ZNF589: variants seen among roughly 807,000 people sequenced by gnomAD.
ZNF589 encodes zinc finger protein 589, also known as KRAB-zinc finger protein SZF1-1.
In ZNF589, 17 loss-of-function variants were observed where a neutral mutation model predicts 13.6. That is an observed-to-expected ratio of 1.25 (90% confidence interval 0.86 to 1.88). The LOEUF (loss-of-function observed/expected upper bound fraction) is 1.88, where lower values mean the gene tolerates loss of function less well. Among genes scored for constraint, ZNF589 ranks in the 40% most tolerant of loss-of-function variants. The pLI is 0.00. For missense variants in ZNF589, 407 were observed against 434.0 expected, an observed-to-expected ratio of 0.94 and a Z score of 0.55; for synonymous variants, 148 against 161.6, an observed-to-expected ratio of 0.92 and a Z score of 0.64.
At chr3:48,254,211 G>A (rs1285596372) in intron 2 of ZNF589, among the ~76,000 whole-genome samples, 1 of 151,994 alleles carries the variant, frequency 6.6e-6, no homozygotes, top group Non-Finnish European at 1.5e-5. Flanking sequence ...AGCTGAGATC[G>A]TGCCATTGCA....
Position 48,270,202 on chromosome 3 carries a change from T to A in ZNF589, c.*1416T>A, listed in dbSNP as rs1046838022. ...CCTTTAGATTTTACTCAGAGTTCAG[T>A]CTCCAGCCCTACAATCTGAGGGACA... On this transcript the variant is annotated 3_prime_UTR_variant, in exon 4 of 4. Transcript: ENST00000354698. The A allele has an allele frequency of 2.0e-5, 9 of 457,238 alleles. No individual in the cohort carries two copies. The highest frequency in any genetic ancestry group is 3.5e-5 in the Non-Finnish European group (8 of 227,086). The allele number at this position is 457,238 out of a possible 1,614,324, so 28.3% of individuals were successfully genotyped here.
chr3:48,267,887 C>T, intron 3 of ZNF589, 28 bp from the exon 4 acceptor site: 1 of 1,580,468 alleles, frequency 6.3e-7, no homozygotes, highest in South Asian at 1.2e-5. Context: ...TCCTATGACT[C>T]TTCTGACTGG....
chr3:48,253,903 C>G (rs926690493), intron 2 of ZNF589, among the ~76,000 whole-genome samples: 5 of 152,148 alleles, frequency 3.3e-5, no homozygotes, highest in Non-Finnish European at 7.3e-5. Context: ...CTAGTCTGAG[C>G]AACACAGCAA....
Position 48,269,503 on chromosome 3 carries a change from GAC to G in ZNF589, c.*725_*726del, listed in dbSNP as rs1185397267. 2.5e-6 allele frequency: 1 copy of G among 398,594 alleles called. No individual in the cohort carries two copies. The highest frequency in any genetic ancestry group is 5.4e-5 in the East Asian group (1 of 18,450). 24.7% of individuals were successfully genotyped at this position (398,594 alleles called of 1,614,324 possible). A position where few individuals can be genotyped will look rare whatever the true frequency, so the allele number is the denominator to read the frequency against. ...AGATACTCCTCAACAGACACTGGAG[GAC>G]ACACACAGGAGAGAAACCTTACGCA... On this transcript the variant is annotated 3_prime_UTR_variant, in exon 4 of 4. Coordinates refer to ENST00000354698, the MANE Select transcript of ZNF589 (RefSeq NM_016089.3).
In ZNF589 at chr3:48,262,914, G is replaced by A. The variant is rs12495277; in HGVS notation, c.223+1975G>A. ...TTGTGGTGTTTGAGTAACCGCTTGC[G>A]TAGCACACTTAGGTCTGTCACCACT... is the stretch of plus-strand genomic sequence containing the variant. On this transcript the variant is annotated intron_variant, in intron 3 of 3. Transcript: ENST00000354698. 1.7e-3 allele frequency among the ~76,000 whole-genome samples: 255 copies of A among 152,166 alleles called. 1 individual carries two copies. The highest frequency in any genetic ancestry group is 0.012 in the Admixed American group (178 of 15,288).
chr3:48,268,188 G>A lies in ZNF589; in HGVS notation c.497G>A (p.Gly166Asp). 6.2e-7 allele frequency: 1 copy of A among 1,611,448 alleles called. No homozygotes were observed. The highest frequency in any genetic ancestry group is 8.5e-7 in the Non-Finnish European group (1 of 1,178,678). The change falls in exon 4 of 4, where the codon GGT (glycine) becomes GAT (aspartate). Residue 166 changes from glycine (G) to aspartate (D), a missense_variant. By Grantham distance (94) the Gly-to-Asp change is moderately conservative. Transcript: ENST00000354698. ...WSTNERGALV[G>D]FSSLFQRPPI... Reference sequence around the variant, plus strand: ...ACAAATGAAAGGGGGGCTTTAGTGGGTTTCTCTAGCCTGTTCCAGAGACCA... The same window carrying A: ...ACAAATGAAAGGGGGGCTTTAGTGGATTTCTCTAGCCTGTTCCAGAGACCA...
intron 1 of ZNF589, 56 bp downstream of exon 1, chr3:48,241,270 G>A: frequency 6.3e-7 from 1 of 1,596,572 alleles, no homozygotes; most frequent in Non-Finnish European, 8.5e-7. Flanking sequence ...CGCAGGCGCC[G>A]CGCAGGCGTC....
At position 48,260,952 on chromosome 3, in the gene ZNF589, T is replaced by C; in HGVS notation, c.223+13T>C. The C allele has an allele frequency of 1.9e-6, 3 of 1,613,922 alleles. No homozygotes were observed. The highest frequency in any genetic ancestry group is 4.5e-5 in the East Asian group (2 of 44,880). ...CTGGTCTCATTGGGTAAGGACATGT[T>C]CTCTTCCTTCATTTTTCCATTCAAG... is the stretch of plus-strand genomic sequence containing the variant. On this transcript the variant is annotated intron_variant, in intron 3 of 3. Coordinates refer to ENST00000354698, the MANE Select transcript of ZNF589 (RefSeq NM_016089.3).
chr3:48,262,913 C>T (rs377735368), intron 3 of ZNF589, among the ~76,000 whole-genome samples: 1 of 152,134 alleles, frequency 6.6e-6, no homozygotes, highest in Non-Finnish European at 1.5e-5. Flanking sequence ...TAACCGCTTG[C>T]GTAGCACACT....
At chr3:48,242,234 C>T (rs748905799) in intron 1 of ZNF589, among the ~76,000 whole-genome samples, 57 of 152,240 alleles carry the variant, frequency 3.7e-4, no homozygotes, top group Non-Finnish European at 7.1e-4. Context: ...CCTCAGCCTA[C>T]CAAGCGGCTG....
In ZNF589 at chr3:48,266,843, A is replaced by G. The variant is rs565129488; in HGVS notation, c.224-1072A>G. 5.9e-5 allele frequency among the ~76,000 whole-genome samples: 9 copies of G among 152,360 alleles called. No individual in the cohort carries two copies. The South Asian group carries it at 1.7e-3, about 28-fold the overall frequency. ...ATCCTCAGTGTTGTAAATATCTACA[A>G]TTATACTAAAATTATCCTCTACCAT... is the stretch of plus-strand genomic sequence containing the variant. On this transcript the variant is annotated intron_variant, in intron 3 of 3. Coordinates refer to ENST00000354698, the MANE Select transcript of ZNF589 (RefSeq NM_016089.3).
chr3:48,265,271 CTTTTTTTTTTTTT>C (rs35060812), intron 3 of ZNF589, among the ~76,000 whole-genome samples: 18 of 47,838 alleles, frequency 3.8e-4, no homozygotes, highest in African/African-American at 5.5e-4. Context: ...TGTGCCCGGC[CTTTTTTTTTTTTT>C]TTTTTTTTTT....
chr3:48,259,193 C>T (rs951943317), intron 2 of ZNF589, among the ~76,000 whole-genome samples: 7 of 152,184 alleles, frequency 4.6e-5, no homozygotes, highest in African/African-American at 9.7e-5. Flanking sequence ...CTGTGCCACG[C>T]GGCCTGACTG....
intron 3 of ZNF589, among the ~76,000 whole-genome samples, chr3:48,264,479 G>A (rs1173087238): frequency 6.6e-6 from 1 of 151,432 alleles, no homozygotes; most frequent in Non-Finnish European, 1.5e-5. Flanking sequence ...GTTGCAATGA[G>A]GCAAGATCGC....
chr3:48,256,386 A>T (rs1168778027), intron 2 of ZNF589: 6 of 561,802 alleles, frequency 1.1e-5, no homozygotes, highest in Non-Finnish European at 2.1e-5. Flanking sequence ...AGTAGCAGAC[A>T]TTGTCCCTCA....
At chr3:48,241,698 T>A (rs1480290647) in intron 1 of ZNF589, among the ~76,000 whole-genome samples, 1 of 151,944 alleles carries the variant, frequency 6.6e-6, no homozygotes, top group Non-Finnish European at 1.5e-5. Context: ...GCCTGGCTAA[T>A]TTTTGTATTT....
intron 2 of ZNF589, among the ~76,000 whole-genome samples, chr3:48,255,098 T>G (rs545728486): frequency 6.6e-6 from 1 of 152,272 alleles, no homozygotes; most frequent in East Asian, 1.9e-4. Context: ...AAGTAGGATA[T>G]TTGTTGTAGG....
At position 48,265,883 on chromosome 3, in the gene ZNF589, C is replaced by A. The variant is rs113912584; in HGVS notation, c.224-2032C>A. On this transcript the variant is annotated intron_variant, in intron 3 of 3. Coordinates refer to ENST00000354698, the MANE Select transcript of ZNF589 (RefSeq NM_016089.3). ...TATTATCCTTAATAATAATAATAGACCCCATAATAAATATCACTCACTATG... is the reference window on the plus strand; with the variant it reads ...TATTATCCTTAATAATAATAATAGAACCCATAATAAATATCACTCACTATG... Among the ~76,000 whole-genome samples, 329 of 151,942 alleles carry A rather than the reference C, an allele frequency of 2.2e-3. 3 individuals carry two copies. The highest frequency in any genetic ancestry group is 7.1e-3 in the African/African-American group (296 of 41,422).
At chr3:48,266,645 C>T (rs1158919414) in intron 3 of ZNF589, among the ~76,000 whole-genome samples, 5 of 152,226 alleles carry the variant, frequency 3.3e-5, no homozygotes, top group Non-Finnish European at 1.5e-5. Context: ...GCCTGGGCAA[C>T]ATGGTGAACG....
Sources: gnomAD v4.1 joint callset for allele counts (sites outside exome capture counted in the v4.1 genomes callset) on GRCh38, gnomAD v4.1.1 for gene constraint, MANE v1.5 for transcripts, NCBI Gene and HGNC (gene_info 2026-07-23, HGNC 2026-07-21) for gene names.